Variants in PCDHGA1 observed in about 807,000 individuals in gnomAD.
PCDHGA1 encodes the protein protocadherin gamma subfamily A, 1, also known as protocadherin gamma-A1.
A neutral mutation model predicts 58.0 loss-of-function variants in PCDHGA1; 32 were observed. The ratio of observed to expected loss-of-function variants is 0.55; its 90% CI spans 0.42 to 0.74. PCDHGA1 has a LOEUF of 0.74. Ranked by LOEUF, PCDHGA1 falls within the 30% of genes least tolerant of loss-of-function variation. The probability of loss-of-function intolerance (pLI) is 0.00; values close to 1 mark genes in which losing one functional copy is unlikely to be tolerated. For synonymous variants in PCDHGA1, 498 were observed against 501.1 expected, an observed-to-expected ratio of 0.99 and a Z score of 0.08; for missense variants, 1,205 against 1,182.3, an observed-to-expected ratio of 1.02 and a Z score of -0.28.
intron 1 of PCDHGA1, among the ~76,000 whole-genome samples, chr5:141,449,345 T>C (rs2154562594): frequency 1.3e-5 from 2 of 151,644 alleles, no homozygotes; most frequent in South Asian, 4.2e-4. Context: ...AGTGGCTCAC[T>C]CCTGTAATCC....
Position 141,414,827 on chromosome 5 carries a change from C to T in PCDHGA1, c.2422-79980C>T, listed in dbSNP as rs1253521902. On this transcript the variant is annotated intron_variant, in intron 1 of 3. Coordinates refer to ENST00000517417, the MANE Select transcript of PCDHGA1 (RefSeq NM_018912.3). Reference sequence around the variant, plus strand: ...GATCCTCCACTCAGCAGCAACGTGTCGTTGAGCCTGTTTGTGCTGGACCAG... The same window carrying T: ...GATCCTCCACTCAGCAGCAACGTGTTGTTGAGCCTGTTTGTGCTGGACCAG... 1.9e-6 allele frequency: 3 copies of T among 1,614,116 alleles called. No individual in the cohort carries two copies. Among genetic ancestry groups the T allele is most frequent in the African/African-American group, 1.3e-5 (1 of 74,946 alleles).
At chr5:141,457,107 A>G (rs2098908740) in intron 1 of PCDHGA1, among the ~76,000 whole-genome samples, 1 of 152,260 alleles carries the variant, frequency 6.6e-6, no homozygotes, top group African/African-American at 2.4e-5. Flanking sequence ...ATTAAGCAAA[A>G]TACGACAGCA....
intron 1 of PCDHGA1, chr5:141,399,579 C>T: frequency 6.2e-7 from 1 of 1,614,026 alleles, no homozygotes; most frequent in South Asian, 1.1e-5. Context: ...GCCAAGTCTC[C>T]TACTCTATCA....
intron 1 of PCDHGA1, among the ~76,000 whole-genome samples, chr5:141,464,723 T>A (rs1166321691): frequency 6.6e-6 from 1 of 152,156 alleles, no homozygotes; most frequent in Non-Finnish European, 1.5e-5. Flanking sequence ...TTTCATATGT[T>A]TAAAAGCCAG....
intron 1 of PCDHGA1, among the ~76,000 whole-genome samples, chr5:141,488,238 C>G (rs374846692): frequency 6.6e-6 from 1 of 152,154 alleles, no homozygotes; most frequent in African/African-American, 2.4e-5. Context: ...GAACTAGATG[C>G]GGTAAATTGG....
chr5:141,352,511 T>C (rs767263704), intron 1 of PCDHGA1: 53 of 1,613,936 alleles, frequency 3.3e-5, no homozygotes, highest in Non-Finnish European at 4.2e-5. Flanking sequence ...CTACAATCTA[T>C]GTATTGCCTC....
In PCDHGA1 at chr5:141,334,776, T is replaced by C. The variant is rs1322030929; in HGVS notation, c.2421+1671T>C. 1 of 152,130 alleles carries C rather than the reference T, an allele frequency of 6.6e-6. No homozygotes were observed. The highest frequency in any genetic ancestry group is 2.4e-5 in the African/African-American group (1 of 41,426). The allele number at this position is 152,130 out of a possible 1,614,324, so 9.4% of individuals were successfully genotyped here. On this transcript the variant is annotated intron_variant, in intron 1 of 3. Coordinates refer to ENST00000517417, the MANE Select transcript of PCDHGA1 (RefSeq NM_018912.3). The surrounding 1 kb of genome is among the most constrained non-coding windows in gnomAD (Gnocchi z 4.6). The stretch of plus-strand genomic sequence containing the variant: ...TCCAGAATATCACTGCTGTGCATCA[T>C]TAAAGCGTCATTAAGAGACCTAGTT...
intron 1 of PCDHGA1, among the ~76,000 whole-genome samples, chr5:141,401,463 C>G (rs2094158062): frequency 6.6e-6 from 1 of 152,214 alleles, no homozygotes; most frequent in Admixed American, 6.5e-5. Flanking sequence ...AAATAATTTT[C>G]TAAGTTTATC....
intron 1 of PCDHGA1, chr5:141,419,208 C>T: frequency 6.2e-7 from 1 of 1,613,966 alleles, no homozygotes; most frequent in Non-Finnish European, 8.5e-7. Flanking sequence ...GACAACGCGC[C>T]GGTTTTCGGA....
At chr5:141,500,360 T>C (rs1224064939) in intron 2 of PCDHGA1, among the ~76,000 whole-genome samples, 1 of 151,664 alleles carries the variant, frequency 6.6e-6, no homozygotes, top group Non-Finnish European at 1.5e-5. Context: ...AGGCGCCCAC[T>C]ACCACGCCCG....
intron 1 of PCDHGA1, among the ~76,000 whole-genome samples, chr5:141,363,900 A>G (rs1443403016): frequency 6.6e-6 from 1 of 152,258 alleles, no homozygotes; most frequent in Non-Finnish European, 1.5e-5. Flanking sequence ...CCGATGACGC[A>G]TTAAATAAAA....
chr5:141,394,836 T>C (rs116789057), intron 1 of PCDHGA1: 14 of 1,613,630 alleles, frequency 8.7e-6, no homozygotes, highest in South Asian at 1.1e-5. Flanking sequence ...CCTGACCGAG[T>C]TGGGCAGTCT....
rs774366625 is a variant in PCDHGA1, at chr5:141,384,613, T to A, written c.2421+51508T>A. On this transcript the variant is annotated intron_variant, in intron 1 of 3. Coordinates refer to ENST00000517417, the MANE Select transcript of PCDHGA1 (RefSeq NM_018912.3). ...GTACCCGGCCCTCCCCACAGATGGTTCTACTGGCATGGAGCTGGCACCCCG... is the reference window on the plus strand; with the variant it reads ...GTACCCGGCCCTCCCCACAGATGGTACTACTGGCATGGAGCTGGCACCCCG... The A allele has an allele frequency of 9.9e-6, 16 of 1,614,202 alleles. No homozygotes were observed. The Admixed American group carries it at 2.7e-4, about 27-fold the overall frequency.
intron 1 of PCDHGA1, chr5:141,390,359 C>T: frequency 1.3e-6 from 2 of 1,538,574 alleles, no homozygotes; most frequent in Admixed American, 1.9e-5. Flanking sequence ...TACATATTTG[C>T]AGGAAAATAT....
At chr5:141,382,430 T>A (rs984775517) in intron 1 of PCDHGA1, among the ~76,000 whole-genome samples, 10 of 152,106 alleles carry the variant, frequency 6.6e-5, no homozygotes, top group African/African-American at 2.4e-4. Context: ...CCCAAAAGAG[T>A]CACTTGAAAG....
chr5:141,371,371 A>C (rs745398017), intron 1 of PCDHGA1: 1 of 1,614,032 alleles, frequency 6.2e-7, no homozygotes, highest in Non-Finnish European at 8.5e-7. Context: ...GATGGTGGAC[A>C]TCACACTGCA....
chr5:141,450,985 C>T (rs533993975), intron 1 of PCDHGA1, among the ~76,000 whole-genome samples: 22 of 151,876 alleles, frequency 1.4e-4, no homozygotes, highest in African/African-American at 3.9e-4. Flanking sequence ...CCACCACACC[C>T]GGCTAATTTT....
At chr5:141,370,767 G>T (rs749108869) in intron 1 of PCDHGA1, 12 of 1,613,966 alleles carry the variant, frequency 7.4e-6, no homozygotes, top group Non-Finnish European at 1.0e-5. Context: ...GCTGATCCAG[G>T]ATATTAACGA....
intron 1 of PCDHGA1, chr5:141,355,849 G>T (rs375626682): frequency 6.2e-6 from 10 of 1,612,302 alleles, no homozygotes; most frequent in Non-Finnish European, 8.5e-6. Context: ...GGCCTTCGAT[G>T]GAGGTGACCC....
Sources: gnomAD v4.1 joint callset for allele counts (sites outside exome capture counted in the v4.1 genomes callset) on GRCh38, gnomAD v4.1.1 for gene constraint, Gnocchi (gnomAD v3.1) non-coding constraint, MANE v1.5 for transcripts, NCBI Gene and HGNC (gene_info 2026-07-23, HGNC 2026-07-21) for gene names.